SDK1: variants seen among roughly 807,000 people sequenced by gnomAD.
SDK1 encodes sidekick cell adhesion molecule 1.
In SDK1, 157 loss-of-function variants were observed where a neutral mutation model predicts 245.5. The observed-to-expected ratio is 0.64, with a 90% CI of 0.56 to 0.73. SDK1 has a LOEUF of 0.73. SDK1 is among the 30% of genes least tolerant of loss of function. The probability of loss-of-function intolerance (pLI) is 0.00; values close to 1 mark genes in which losing one functional copy is unlikely to be tolerated. For missense variants in SDK1, 3,583 were observed against 3,002.3 expected (o/e 1.19, Z -4.52); for synonymous variants, 1,647 against 1,278.5 (o/e 1.29, Z -6.15).
chr7:3,935,911 AAGC>A (rs1242145603), intron 5 of SDK1, among the ~76,000 whole-genome samples: 1 of 152,234 alleles, frequency 6.6e-6, no homozygotes, highest in African/African-American at 2.4e-5. Flanking sequence ...AAAGAGCTGA[AAGC>A]AGAGAGTTGA....
intron 43 of SDK1, among the ~76,000 whole-genome samples, chr7:4,242,824 T>C (rs1039255967): frequency 1.3e-5 from 2 of 152,176 alleles, no homozygotes; most frequent in Non-Finnish European, 2.9e-5. Context: ...GTTTGGAGAT[T>C]CCCTGGGCCG....
chr7:3,464,290 A>G (rs1414115121), intron 1 of SDK1, among the ~76,000 whole-genome samples: 2 of 152,148 alleles, frequency 1.3e-5, no homozygotes, highest in Admixed American at 1.3e-4. Context: ...TTCGGAGGCC[A>G]AGGCGGGAAC....
chr7:3,952,301 A>G (rs1264123761), intron 7 of SDK1, among the ~76,000 whole-genome samples: 1 of 152,208 alleles, frequency 6.6e-6, no homozygotes, highest in African/African-American at 2.4e-5. Flanking sequence ...ATTGCTGTCC[A>G]GGCATGGTGG....
At chr7:4,143,736 G>A (rs1779750111) in intron 28 of SDK1, among the ~76,000 whole-genome samples, 1 of 152,210 alleles carries the variant, frequency 6.6e-6, no homozygotes, top group Non-Finnish European at 1.5e-5. Context: ...ATCGGCATGG[G>A]TGTTTGCTTC....
At chr7:4,012,039 G>T in intron 15 of SDK1, 56 bp from the exon 16 acceptor site, 6 of 1,335,174 alleles carry the variant, frequency 4.5e-6, no homozygotes, top group Non-Finnish European at 5.9e-6. Flanking sequence ...ATGCAAATGG[G>T]CCCCCGCTGT....
At chr7:4,023,512 C>G (rs1344468740) in intron 17 of SDK1, among the ~76,000 whole-genome samples, 1 of 152,148 alleles carries the variant, frequency 6.6e-6, no homozygotes, top group African/African-American at 2.4e-5. Context: ...TGGAAAATAA[C>G]TGAAATTTAC....
intron 1 of SDK1, among the ~76,000 whole-genome samples, chr7:3,560,698 T>A (rs893848207): frequency 5.3e-5 from 8 of 152,192 alleles, no homozygotes; most frequent in African/African-American, 1.9e-4. Flanking sequence ...GGCCACCCAT[T>A]TAAACAGAGT....
Position 3,902,313 on chromosome 7 carries a change from C to A in SDK1, c.848-48610C>A, listed in dbSNP as rs773054568. Among the ~76,000 whole-genome samples, 203 of 152,176 alleles carry A rather than the reference C, an allele frequency of 1.3e-3. 1 individual carries two copies. Among genetic ancestry groups the A allele is most frequent in the Admixed American group, 1.7e-3 (26 of 15,288 alleles). ...TTCCATGTTTGTGTCTCCCTTCTCC[C>A]ACAATAAGAACCCTGATTCCCCATC... On this transcript the variant is annotated intron_variant, in intron 5 of 44. Transcript: ENST00000404826.
intron 22 of SDK1, among the ~76,000 whole-genome samples, chr7:4,080,707 T>C (rs1011181951): frequency 6.6e-6 from 1 of 152,004 alleles, no homozygotes; most frequent in African/African-American, 2.4e-5. Flanking sequence ...GGGACTGTTG[T>C]GGCGTTGAGG....
chr7:4,107,042 C>T (rs1782970552), intron 22 of SDK1, among the ~76,000 whole-genome samples: 1 of 151,190 alleles, frequency 6.6e-6, no homozygotes, highest in African/African-American at 2.4e-5. Context: ...CTAGGCAGAG[C>T]CCCCGCCCAG....
At chr7:3,918,236 G>A (rs1583562306) in intron 5 of SDK1, among the ~76,000 whole-genome samples, 1 of 152,180 alleles carries the variant, frequency 6.6e-6, no homozygotes, top group Admixed American at 6.5e-5. Flanking sequence ...CCACAGACTG[G>A]TATCGGTCCA....
intron 5 of SDK1, among the ~76,000 whole-genome samples, chr7:3,827,476 C>G (rs1285237998): frequency 6.6e-6 from 1 of 152,162 alleles, no homozygotes; most frequent in Non-Finnish European, 1.5e-5. Context: ...TTCTAAATAT[C>G]AGGGGCAGAA....
Position 3,773,872 on chromosome 7 carries a change from A to G in SDK1, c.714-47578A>G, listed in dbSNP as rs111369905. On this transcript the variant is annotated intron_variant, in intron 4 of 44. Coordinates refer to ENST00000404826, the MANE Select transcript of SDK1 (RefSeq NM_152744.4). ...TTGCTTTTGAATATCCTAATCTTCA[A>G]TGTCTGCTTCCTAAAAGAAGAGAAA... 5.8e-3 allele frequency among the ~76,000 whole-genome samples: 883 copies of G among 152,308 alleles called. 7 individuals carry two copies. Among genetic ancestry groups the G allele is most frequent in the African/African-American group, 0.02 (825 of 41,572 alleles).
chr7:4,218,885 C>G (rs985511595), intron 38 of SDK1, among the ~76,000 whole-genome samples: 1 of 150,068 alleles, frequency 6.7e-6, no homozygotes, highest in Non-Finnish European at 1.5e-5. Flanking sequence ...GAGAACTTAT[C>G]TAACTGTTTT....
rs1779993775 is a variant in SDK1 at position 3,834,795 on chromosome 7, G to C, written c.847+13212G>C. 2.0e-5 allele frequency among the ~76,000 whole-genome samples: 3 copies of C among 152,146 alleles called. No individual in the cohort carries two copies. In the South Asian group the frequency reaches 6.2e-4, roughly 32 times the overall value. On this transcript the variant is annotated intron_variant, in intron 5 of 44. Coordinates refer to ENST00000404826, the MANE Select transcript of SDK1 (RefSeq NM_152744.4). Reference sequence around the variant, plus strand: ...GGGAAGAGTGCATGACGAGTAATAAGGGCTCAGTAAATACTTGTCCAGTGA... The same window carrying C: ...GGGAAGAGTGCATGACGAGTAATAACGGCTCAGTAAATACTTGTCCAGTGA...
intron 5 of SDK1, among the ~76,000 whole-genome samples, chr7:3,867,105 G>A (rs1197432661): frequency 1.3e-5 from 2 of 152,212 alleles, no homozygotes; most frequent in African/African-American, 4.8e-5. Context: ...TCCAAGTGGT[G>A]CTGTAAAAGC....
At chr7:3,456,173 A>G (rs1050832867) in intron 1 of SDK1, among the ~76,000 whole-genome samples, 3 of 152,016 alleles carry the variant, frequency 2.0e-5, no homozygotes, top group African/African-American at 7.2e-5. Context: ...TTCAGTTTTT[A>G]TTAATTTGTC....
In SDK1 at chr7:3,308,509, G is replaced by C. The variant is rs1013633159; in HGVS notation, c.298+6625G>C. 4.6e-5 allele frequency among the ~76,000 whole-genome samples: 7 copies of C among 152,164 alleles called. No individual in the cohort carries two copies. In the South Asian group the frequency reaches 6.2e-4, roughly 14 times the overall value. ...TGATATACAGACAATGTCTAGTGAA[G>C]ATAACAGCTATCAATTAAATAGTCC... On this transcript the variant is annotated intron_variant, in intron 1 of 44. Coordinates refer to ENST00000404826, the MANE Select transcript of SDK1 (RefSeq NM_152744.4).
intron 1 of SDK1, among the ~76,000 whole-genome samples, chr7:3,337,461 C>CA (rs35301702): frequency 0.12 from 17,462 of 142,254 alleles, 1,341 homozygotes; most frequent in African/African-American, 0.23. Flanking sequence ...AGAGTGGGAC[C>CA]AAAAAAAAAA....
Sources: gnomAD v4.1 joint callset for allele counts (sites outside exome capture counted in the v4.1 genomes callset) on GRCh38, gnomAD v4.1.1 for gene constraint, MANE v1.5 for transcripts, NCBI Gene and HGNC (gene_info 2026-07-23, HGNC 2026-07-21) for gene names.